FBXL2: variants seen among roughly 807,000 people sequenced by gnomAD.
The protein encoded by FBXL2 is F-box/LRR-repeat protein 2.
FBXL2 carries 38 observed loss-of-function variants against 69.2 expected under a neutral mutation model. That is an observed-to-expected ratio of 0.55 (90% CI 0.42 to 0.72). FBXL2 has a LOEUF of 0.72. Among genes scored for constraint, FBXL2 ranks in the 30% least tolerant of loss-of-function variants. The pLI is 0.00. For synonymous variants in FBXL2, 192 were observed against 201.3 expected (o/e 0.95, Z 0.39); for missense variants, 354 against 520.3 (o/e 0.68, Z 3.11).
chr3:33,327,279 C>T (rs973864482), intron 2 of FBXL2, among the ~76,000 whole-genome samples: 2 of 152,084 alleles, frequency 1.3e-5, no homozygotes, highest in Admixed American at 6.5e-5. Flanking sequence ...GATTCCACAG[C>T]TGGGAAGAAC....
intron 2 of FBXL2, among the ~76,000 whole-genome samples, chr3:33,339,925 A>G (rs1031466864): frequency 1.3e-5 from 2 of 152,254 alleles, no homozygotes; most frequent in Admixed American, 6.5e-5. Flanking sequence ...TAGTATATTC[A>G]TTAAGGGAAC....
At chr3:33,279,845 T>G (rs556015584) in intron 1 of FBXL2, among the ~76,000 whole-genome samples, 17 of 152,122 alleles carry the variant, frequency 1.1e-4, no homozygotes, top group Non-Finnish European at 2.1e-4. Context: ...TTATCCTATT[T>G]TAGAGATGAG....
At chr3:33,315,171 CTG>C (rs2037563521) in intron 2 of FBXL2, among the ~76,000 whole-genome samples, 1 of 151,624 alleles carries the variant, frequency 6.6e-6, no homozygotes, top group Non-Finnish European at 1.5e-5. Flanking sequence ...CCTCCCTTCC[CTG>C]TCTTTCATTC....
At chr3:33,277,969 C>T (rs1482025405) in intron 1 of FBXL2, among the ~76,000 whole-genome samples, 1 of 152,116 alleles carries the variant, frequency 6.6e-6, no homozygotes, top group East Asian at 1.9e-4. Context: ...AGACATATAT[C>T]TTCCTTTCAA....
the FBXL2 span, chr3:33,408,893 T>C: frequency 1.3e-5 from 15 of 1,117,180 alleles, no homozygotes; most frequent in Non-Finnish European, 2.0e-5. Context: ...ATTAAACAAA[T>C]GCATGACTAA....
At chr3:33,336,257 T>G (rs945364436) in intron 2 of FBXL2, among the ~76,000 whole-genome samples, 3 of 152,128 alleles carry the variant, frequency 2.0e-5, no homozygotes, top group African/African-American at 7.2e-5. Flanking sequence ...ATACATAATT[T>G]ATTGGCACAA....
At chr3:33,332,912 C>T (rs2039280486) in intron 2 of FBXL2, among the ~76,000 whole-genome samples, 1 of 152,086 alleles carries the variant, frequency 6.6e-6, no homozygotes, top group South Asian at 2.1e-4. Context: ...ATTATTCAGC[C>T]ATAAAAAGGA....
intron 2 of FBXL2, among the ~76,000 whole-genome samples, chr3:33,344,874 A>G (rs1368986547): frequency 6.6e-6 from 1 of 152,202 alleles, no homozygotes; most frequent in East Asian, 1.9e-4. Context: ...GGGGGACATC[A>G]CTATAACATC....
intron 12 of FBXL2, chr3:33,393,125 A>G (rs561037018): frequency 7.9e-6 from 5 of 635,560 alleles, no homozygotes; most frequent in African/African-American, 1.9e-5. Flanking sequence ...CTTGGCTTGT[A>G]TTCCATATTA....
chr3:33,296,761 A>T lies in FBXL2; in HGVS notation c.4-903A>T, dbSNP rs975699681. Among the ~76,000 whole-genome samples the T allele has an allele frequency of 8.5e-5, 13 of 152,164 alleles. No individual in the cohort carries two copies. In the East Asian group the frequency reaches 2.3e-3, roughly 27 times the overall value. ...TCCATTGATCTATATGTCTACCCTT[A>T]TGCCAGTGAACACATTGCTTTAACT... On this transcript the variant is annotated intron_variant, in intron 1 of 14. Transcript: ENST00000484457.
rs1249389026 is a variant in FBXL2, at chr3:33,370,603, T to C, written c.291-2489T>C. On this transcript the variant is annotated intron_variant, in intron 5 of 14. Transcript: ENST00000484457. Reference sequence around the variant, plus strand: ...TTTCTGGCTGTTTTTAGGGTTTTCCTATCACTGGTTTCTCTCTCTCTCTCT... The same window carrying C: ...TTTCTGGCTGTTTTTAGGGTTTTCCCATCACTGGTTTCTCTCTCTCTCTCT... 3.3e-5 allele frequency among the ~76,000 whole-genome samples: 5 copies of C among 152,240 alleles called. No homozygotes were observed. In the South Asian group the frequency reaches 8.3e-4, roughly 25 times the overall value.
intron 5 of FBXL2, chr3:33,372,824 T>G: frequency 3.6e-6 from 2 of 551,634 alleles, no homozygotes; most frequent in Non-Finnish European, 6.5e-6. Context: ...GGAGAACTGA[T>G]TGATAGGTAG....
intron 2 of FBXL2, among the ~76,000 whole-genome samples, chr3:33,301,171 TGTCTACCC>T (rs1490450965): frequency 4.6e-5 from 7 of 152,202 alleles, no homozygotes; most frequent in African/African-American, 7.2e-5. Flanking sequence ...ATGTCTTCAT[TGTCTACCC>T]TTGGCTTATA....
rs961181957 is a variant in FBXL2 at position 33,376,167 on chromosome 3, A to C, written c.788+749A>C. 1.4e-4 allele frequency among the ~76,000 whole-genome samples: 22 copies of C among 151,740 alleles called. No individual in the cohort carries two copies. The East Asian group carries it at 2.1e-3, about 15-fold the overall frequency. ...GTGAGACCCCATCTCAAAAAAAAAA[A>C]CAAAAAAAACAATAATTTGTATTCT... On this transcript the variant is annotated intron_variant, in intron 10 of 14. Transcript: ENST00000484457.
chr3:33,415,079 A>T, the FBXL2 span, among the ~76,000 whole-genome samples: 1 of 152,356 alleles, frequency 6.6e-6, no homozygotes, highest in South Asian at 2.1e-4. Context: ...AGTTGAACTT[A>T]AAGCAGTCAT....
intron 1 of FBXL2, among the ~76,000 whole-genome samples, chr3:33,281,306 G>T (rs573484111): frequency 4.3e-4 from 66 of 151,798 alleles, no homozygotes; most frequent in African/African-American, 1.4e-3. Flanking sequence ...TTGGTTTTCT[G>T]TCCTTGTGAT....
intron 1 of FBXL2, chr3:33,289,820 G>A (rs906738024): frequency 1.0e-6 from 1 of 983,768 alleles, no homozygotes; most frequent in African/African-American, 1.7e-5. Context: ...CTGAAGGTTG[G>A]GGGCAGGGCA....
intron 2 of FBXL2, among the ~76,000 whole-genome samples, chr3:33,350,162 A>C (rs962059533): frequency 6.6e-6 from 1 of 152,218 alleles, no homozygotes; most frequent in African/African-American, 2.4e-5. Context: ...TTAGTAAGTC[A>C]AATCCAGTGA....
intron 1 of FBXL2, among the ~76,000 whole-genome samples, chr3:33,290,482 G>A (rs1043678842): frequency 2.0e-5 from 3 of 152,236 alleles, no homozygotes; most frequent in African/African-American, 7.2e-5. Flanking sequence ...TGGCCCAGAT[G>A]TTGAACAACA....
Sources: gnomAD v4.1 joint callset for allele counts (sites outside exome capture counted in the v4.1 genomes callset) on GRCh38, gnomAD v4.1.1 for gene constraint, MANE v1.5 for transcripts, NCBI Gene and HGNC (gene_info 2026-07-23, HGNC 2026-07-21) for gene names.